The following KCNC1 variants were observed in gnomAD, a reference collection of about 807,000 sequenced individuals.
KCNC1 encodes the protein potassium voltage-gated channel subfamily C member 1, also known as voltage-gated potassium channel KCNC1.
A neutral mutation model predicts 43.4 loss-of-function variants in KCNC1; 8 were observed. The observed-to-expected ratio is 0.18, with a 90% confidence interval of 0.11 to 0.33. The LOEUF (loss-of-function observed/expected upper bound fraction) is 0.33. KCNC1 is among the 10% of genes least tolerant of loss of function. KCNC1 has a pLI of 1.00. For synonymous variants in KCNC1, 361 were observed against 360.5 expected (o/e 1.00, Z -0.01); for missense variants, 420 against 836.0 (o/e 0.50, Z 6.14).
In KCNC1 at chr11:17,734,886, A is replaced by C. The variant is rs1200099236; in HGVS notation, c.-1117A>C. On this transcript the variant is annotated 5_prime_UTR_variant, in exon 1 of 4. Coordinates refer to ENST00000265969, the MANE Select transcript of KCNC1 (RefSeq NM_001112741.2). ...CAGCGGCCGCTCCGCGCCTCGCCTC[A>C]CCGGCCTCGCTGGCCTCACCTCGCC... 6.7e-6 allele frequency: 1 copy of C among 149,716 alleles called. No individual in the cohort carries two copies. Among genetic ancestry groups the C allele is most frequent in the Non-Finnish European group, 1.5e-5 (1 of 67,118 alleles). 9.3% of individuals were successfully genotyped at this position (149,716 alleles called of 1,614,324 possible). A position where few individuals can be genotyped will look rare whatever the true frequency, so the allele number is the denominator to read the frequency against.
At chr11:17,755,288 C>A (rs1849011427) in intron 1 of KCNC1, among the ~76,000 whole-genome samples, 1 of 152,102 alleles carries the variant, frequency 6.6e-6, no homozygotes, top group Non-Finnish European at 1.5e-5. Flanking sequence ...GATCTGCAAG[C>A]CATTGAGAAG....
At chr11:17,763,949 A>C (rs62644040) in intron 1 of KCNC1, among the ~76,000 whole-genome samples, 81,455 of 110,422 alleles carry the variant, frequency 0.74, 30,346 homozygotes, top group East Asian at 0.9. Flanking sequence ...ACACACACAC[A>C]CCCACACACA....
chr11:17,756,521 AC>A (rs1849024084), intron 1 of KCNC1, among the ~76,000 whole-genome samples: 1 of 3,464 alleles, frequency 2.9e-4, no homozygotes, highest in East Asian at 7.1e-3. Context: ...TTCCCTCCAA[AC>A]ACACACACAC....
At position 17,735,741 on chromosome 11, in the gene KCNC1, G is replaced by T; in HGVS notation, c.-262G>T. ...CCTTCTTTCCTCCTCTGCCTCCTCC[G>T]CTGCCGGACCAGCTCCCTCCCACAT... On this transcript the variant is annotated 5_prime_UTR_variant, in exon 1 of 4. Coordinates refer to ENST00000265969, the MANE Select transcript of KCNC1 (RefSeq NM_001112741.2). The surrounding 1 kb of genome is among the most constrained non-coding windows in gnomAD (Gnocchi z 6.7). 1 of 224,338 alleles carries T rather than the reference G, an allele frequency of 4.5e-6. No individual in the cohort carries two copies. The highest frequency in any genetic ancestry group is 8.3e-6 in the Non-Finnish European group (1 of 120,544). The allele number at this position is 224,338 out of a possible 1,614,324, so 13.9% of individuals were successfully genotyped here.
In KCNC1 at chr11:17,773,617, T is replaced by C; in HGVS notation, c.1504+1019T>C. 1 of 985,374 alleles carries C rather than the reference T, an allele frequency of 1.0e-6. No homozygotes were observed. The highest frequency in any genetic ancestry group is 1.2e-6 in the Non-Finnish European group (1 of 829,912). 61.0% of individuals were successfully genotyped at this position (985,374 alleles called of 1,614,324 possible). On this transcript the variant is annotated intron_variant, in intron 2 of 3. Coordinates refer to ENST00000265969, the MANE Select transcript of KCNC1 (RefSeq NM_001112741.2). This position sits in a 1 kb window ranked among gnomAD's most constrained non-coding sequence, Gnocchi z 4.1. ...GTCACCGTGGGATATATTCTAATAT[T>C]CCATGGCTAGTGGTTTGTTATGGGA...
At chr11:17,756,591 G>A (rs571951731) in intron 1 of KCNC1, among the ~76,000 whole-genome samples, 1 of 150,544 alleles carries the variant, frequency 6.6e-6, no homozygotes, top group South Asian at 2.1e-4. Flanking sequence ...CCCCTGACTC[G>A]ATACAAACAC....
chr11:17,763,636 A>ACCCCCC (rs142938947), intron 1 of KCNC1, among the ~76,000 whole-genome samples: 1 of 79,176 alleles, frequency 1.3e-5, no homozygotes, highest in Non-Finnish European at 2.3e-5. Context: ...CCACACACAC[A>ACCCCCC]CACCCCCACA....
Position 17,782,077 on chromosome 11 carries a change from T to C in KCNC1, c.*343T>C, listed in dbSNP as rs1236354960. ...GTATGATTACCCTGAACAACAATAA[T>C]GAAAAGAAAAACATCAAAGCCCTCT... On this transcript the variant is annotated 3_prime_UTR_variant, in exon 4 of 4. Coordinates refer to ENST00000265969, the MANE Select transcript of KCNC1 (RefSeq NM_001112741.2). 1.5e-5 allele frequency: 4 copies of C among 258,170 alleles called. No individual in the cohort carries two copies. The highest frequency in any genetic ancestry group is 2.9e-5 in the Non-Finnish European group (4 of 137,738). The allele number at this position is 258,170 out of a possible 1,614,324, so 16.0% of individuals were successfully genotyped here.
At chr11:17,751,505 A>T (rs1848968551) in intron 1 of KCNC1, among the ~76,000 whole-genome samples, 1 of 152,138 alleles carries the variant, frequency 6.6e-6, no homozygotes, top group African/African-American at 2.4e-5. Context: ...GGACGATGGG[A>T]CTTGGAAGCA....
Position 17,742,436 on chromosome 11 carries a change from G to A in KCNC1, c.570+5864G>A, listed in dbSNP as rs746304442. ...TATAATGCCTCTGGCTATTCTGAGCGGTCTCATGACCAGGGGATTCACTCT... is the reference window on the plus strand; with the variant it reads ...TATAATGCCTCTGGCTATTCTGAGCAGTCTCATGACCAGGGGATTCACTCT... On this transcript the variant is annotated intron_variant, in intron 1 of 3. Coordinates refer to ENST00000265969, the MANE Select transcript of KCNC1 (RefSeq NM_001112741.2). This position sits in a 1 kb window ranked among gnomAD's most constrained non-coding sequence, Gnocchi z 4.2. Among the ~76,000 whole-genome samples the A allele has an allele frequency of 1.3e-5, 2 of 152,300 alleles. No homozygotes were observed. Among genetic ancestry groups the A allele is most frequent in the Non-Finnish European group, 2.9e-5 (2 of 68,016 alleles).
intron 1 of KCNC1, among the ~76,000 whole-genome samples, chr11:17,769,945 C>A (rs531215406): frequency 6.6e-6 from 1 of 152,218 alleles, no homozygotes; most frequent in Non-Finnish European, 1.5e-5. Context: ...TATCTACAGG[C>A]TACTCTCACT....
At chr11:17,760,348 CAA>C (rs1254008750) in intron 1 of KCNC1, among the ~76,000 whole-genome samples, 2 of 152,148 alleles carry the variant, frequency 1.3e-5, no homozygotes, top group African/African-American at 4.8e-5. Flanking sequence ...CCCTGAAACA[CAA>C]GAGGAATTTC....
chr11:17,771,916 C>G lies in KCNC1; in HGVS notation c.822C>G (p.Ile274Met), dbSNP rs1330514361. 6.2e-7 allele frequency: 1 copy of G among 1,614,102 alleles called. No individual in the cohort carries two copies. Among genetic ancestry groups the G allele is most frequent in the Admixed American group, 1.7e-5 (1 of 60,008 alleles). The change falls in exon 2 of 4, where the codon ATC (isoleucine) becomes ATG (methionine). Residue 274 changes from isoleucine (I) to methionine (M), a missense_variant. Around this residue, in one of 5 missense-constraint regions of KCNC1, gnomAD observed 58 missense variants for 256.9 expected, o/e 0.23. Coordinates refer to ENST00000265969, the MANE Select transcript of KCNC1 (RefSeq NM_001112741.2). The surrounding 1 kb of genome is among the most constrained non-coding windows in gnomAD (Gnocchi z 4.7). ...VIFCPNKVEF[I>M]KNSLNIIDFV... ...TCTGCCCCAACAAGGTAGAGTTCATCAAGAACTCGCTCAACATCATTGACT... is the reference window on the plus strand; with the variant it reads ...TCTGCCCCAACAAGGTAGAGTTCATGAAGAACTCGCTCAACATCATTGACT...
chr11:17,779,676 G>A lies in KCNC1; in HGVS notation c.1693+32G>A, dbSNP rs557170227. 2.9e-5 allele frequency: 42 copies of A among 1,444,296 alleles called. No individual in the cohort carries two copies. The highest frequency in any genetic ancestry group is 5.8e-5 in the African/African-American group (4 of 69,178). The allele number at this position is 1,444,296 out of a possible 1,614,324, so 89.5% of individuals were successfully genotyped here. A position where few individuals can be genotyped will look rare whatever the true frequency, so the allele number is the denominator to read the frequency against. Reference sequence around the variant, plus strand: ...AGAGGAAGCTGGAGCACCGTGCATCGTCCGGGCCGCCTCGCGCTCCTGCAG... The same window carrying A: ...AGAGGAAGCTGGAGCACCGTGCATCATCCGGGCCGCCTCGCGCTCCTGCAG... On this transcript the variant is annotated intron_variant, in intron 3 of 3. Coordinates refer to ENST00000265969, the MANE Select transcript of KCNC1 (RefSeq NM_001112741.2). The surrounding 1 kb of genome is among the most constrained non-coding windows in gnomAD (Gnocchi z 7.2).
intron 1 of KCNC1, among the ~76,000 whole-genome samples, chr11:17,756,529 AC>A: frequency 1.4e-5 from 1 of 73,708 alleles, no homozygotes; most frequent in East Asian, 1.7e-3. Flanking sequence ...AAACACACAC[AC>A]ACACACACAC....
intron 1 of KCNC1, among the ~76,000 whole-genome samples, chr11:17,760,309 C>T (rs1444486131): frequency 6.6e-6 from 1 of 152,126 alleles, no homozygotes; most frequent in African/African-American, 2.4e-5. Flanking sequence ...TGTAGACAGG[C>T]GTACTAGGAG....
Position 17,736,716 on chromosome 11 carries a change from G to A in KCNC1, c.570+144G>A. The A allele has an allele frequency of 5.8e-6, 8 of 1,372,210 alleles. No homozygotes were observed. The South Asian group carries it at 1.1e-4, about 19-fold the overall frequency. The allele number at this position is 1,372,210 out of a possible 1,614,324, so 85.0% of individuals were successfully genotyped here. A position where few individuals can be genotyped will look rare whatever the true frequency, so the allele number is the denominator to read the frequency against. ...TGTGCGCATGTGTGCACGTACCAGG[G>A]TAAGAGAGGAAGGGTGTCCGCCGGG... On this transcript the variant is annotated intron_variant, in intron 1 of 3. Transcript: ENST00000265969. The surrounding 1 kb of genome is among the most constrained non-coding windows in gnomAD (Gnocchi z 9.3).
At chr11:17,747,323 TG>T (rs1289163089) in intron 1 of KCNC1, among the ~76,000 whole-genome samples, 1 of 152,072 alleles carries the variant, frequency 6.6e-6, no homozygotes, top group South Asian at 2.1e-4. Flanking sequence ...CATCCCCAGG[TG>T]TGGCAGGGTA....
chr11:17,762,853 C>G (rs1025114528), intron 1 of KCNC1, among the ~76,000 whole-genome samples: 2 of 152,198 alleles, frequency 1.3e-5, no homozygotes, highest in African/African-American at 4.8e-5. Context: ...CTTTTGCAAC[C>G]TCCCCCGAGG....
Sources: allele counts gnomAD v4.1 joint callset (sites outside exome capture counted in the v4.1 genomes callset), GRCh38; gene constraint gnomAD v4.1.1; regional missense constraint gnomAD v4.1.1; non-coding constraint Gnocchi (gnomAD v3.1); transcripts MANE v1.5; gene names NCBI Gene and HGNC (gene_info 2026-07-23, HGNC 2026-07-21).